The following ATRN variants were observed in gnomAD, a reference collection of about 807,000 sequenced individuals.
The protein encoded by ATRN is attractin-2.
In ATRN, 54 loss-of-function variants were observed where a neutral mutation model predicts 178.7. The observed-to-expected ratio is 0.30, with a 90% CI of 0.24 to 0.38. The LOEUF (loss-of-function observed/expected upper bound fraction) is 0.38. ATRN is among the 10% of genes least tolerant of loss of function. The pLI, the probability that ATRN is intolerant of heterozygous loss-of-function variation, is 1.00. For missense variants in ATRN, 1,443 were observed against 1,815.1 expected, an observed-to-expected ratio of 0.79 and a Z score of 3.73; for synonymous variants, 636 against 663.0, an observed-to-expected ratio of 0.96 and a Z score of 0.63.
At chr20:3,563,070 C>A in intron 9 of ATRN, 139 bp from the exon 10 acceptor site, 1 of 726,414 alleles carries the variant, frequency 1.4e-6, no homozygotes, top group Non-Finnish European at 2.1e-6. Context: ...GAAAAACTTA[C>A]TTTTATGTAG....
chr20:3,479,758 T>C (rs1432201274), intron 1 of ATRN, among the ~76,000 whole-genome samples: 1 of 152,206 alleles, frequency 6.6e-6, no homozygotes, highest in African/African-American at 2.4e-5. Context: ...TGCCTTTCTC[T>C]TCGCTTCTGG....
At chr20:3,522,936 A>T (rs576955839) in intron 1 of ATRN, among the ~76,000 whole-genome samples, 1 of 152,326 alleles carries the variant, frequency 6.6e-6, no homozygotes, top group South Asian at 2.1e-4. Flanking sequence ...CCAAAGGTAG[A>T]TAAATCCACG....
chr20:3,565,248 A>G, intron 10 of ATRN, 100 bp from the exon 11 acceptor site: 1 of 854,422 alleles, frequency 1.2e-6, no homozygotes, highest in South Asian at 1.7e-5. Context: ...GGCATGTTTT[A>G]TGAGGTTCTC....
chr20:3,651,073 C>G lies in ATRN; in HGVS notation c.*4226C>G, dbSNP rs964306679. 4 of 152,548 alleles carry G rather than the reference C, an allele frequency of 2.6e-5. No individual in the cohort carries two copies. The highest frequency in any genetic ancestry group is 9.7e-5 in the African/African-American group (4 of 41,424). 9.4% of individuals were successfully genotyped at this position (152,548 alleles called of 1,614,324 possible). On this transcript the variant is annotated 3_prime_UTR_variant, in exon 29 of 29. Coordinates refer to ENST00000262919, the MANE Select transcript of ATRN (RefSeq NM_139321.3). The stretch of plus-strand genomic sequence containing the variant: ...ACTTGTATATAAACAAAAGTAAATA[C>G]TATAATACAAACTTCCTTCTGAAAT...
chr20:3,566,625 C>T (rs2086039607), intron 11 of ATRN, among the ~76,000 whole-genome samples: 2 of 151,944 alleles, frequency 1.3e-5, no homozygotes, highest in Admixed American at 6.5e-5. Flanking sequence ...GATGAGAGGC[C>T]GGGCACGGTG....
Position 3,638,687 on chromosome 20 carries a change from C to A in ATRN, c.3943-141C>A. The A allele has an allele frequency of 1.5e-6, 1 of 663,552 alleles. No homozygotes were observed. Among genetic ancestry groups the A allele is most frequent in the Non-Finnish European group, 2.5e-6 (1 of 393,778 alleles). The allele number at this position is 663,552 out of a possible 1,614,324, so 41.1% of individuals were successfully genotyped here. A position where few individuals can be genotyped will look rare whatever the true frequency, so the allele number is the denominator to read the frequency against. On this transcript the variant is annotated intron_variant, in intron 26 of 28. Transcript: ENST00000262919. The surrounding 1 kb of genome is among the most constrained non-coding windows in gnomAD (Gnocchi z 4.5). ...AAAATTTAGTAATCCCTAATGTTAT[C>A]TAATATCAAGTCTAAAAAGTATCAT... is the stretch of plus-strand genomic sequence containing the variant.
rs779571099 is a variant in ATRN at position 3,591,292 on chromosome 20, G to A, written c.3308G>A (p.Gly1103Glu). 3.1e-6 allele frequency: 5 copies of A among 1,613,854 alleles called. No individual in the cohort carries two copies. Among genetic ancestry groups the A allele is most frequent in the Non-Finnish European group, 8.5e-7 (1 of 1,179,836 alleles). ...ISGFYGDPTN[G>E]GKCQPCKCNG... ...GGCTTCTACGGTGATCCCACCAATG[G>A]AGGGAAATGTCAGCGTAAGTCAAAT... Residue 1103 changes from glycine to glutamate, a missense_variant, in exon 19 of 29, where the codon GGA becomes GAA. Around this residue, in one of 4 missense-constraint regions of ATRN, gnomAD observed 289 missense variants for 440.8 expected, o/e 0.66. Coordinates refer to ENST00000262919, the MANE Select transcript of ATRN (RefSeq NM_139321.3).
At chr20:3,596,759 G>C (rs1955459741) in intron 21 of ATRN, among the ~76,000 whole-genome samples, 1 of 152,070 alleles carries the variant, frequency 6.6e-6, no homozygotes, top group South Asian at 2.1e-4. Context: ...CATATTTCGT[G>C]TTTTAGGATG....
intron 1 of ATRN, among the ~76,000 whole-genome samples, chr20:3,507,023 A>G (rs1307280280): frequency 1.3e-5 from 2 of 152,034 alleles, no homozygotes; most frequent in Non-Finnish European, 2.9e-5. Flanking sequence ...GTTGGTGCAA[A>G]AGTAAATGCG....
intron 1 of ATRN, among the ~76,000 whole-genome samples, chr20:3,512,613 G>A (rs2085150845): frequency 6.6e-6 from 1 of 152,058 alleles, no homozygotes; most frequent in African/African-American, 2.4e-5. Flanking sequence ...ATTCCTTTGG[G>A]TATATACCCA....
intron 24 of ATRN, among the ~76,000 whole-genome samples, chr20:3,612,913 G>A (rs1168115029): frequency 6.6e-6 from 1 of 152,186 alleles, no homozygotes; most frequent in Admixed American, 6.5e-5. Flanking sequence ...TTGTGCTGGA[G>A]ATGGCCATAC....
Position 3,596,408 on chromosome 20 carries a change from C to G in ATRN, c.3448C>G (p.Pro1150Ala). 6.2e-7 allele frequency: 1 copy of G among 1,613,568 alleles called. No individual in the cohort carries two copies. Among genetic ancestry groups the G allele is most frequent in the African/African-American group, 1.3e-5 (1 of 74,980 alleles). The change falls in exon 21 of 29, where the codon CCT becomes GCT. Residue 1150 changes from proline (P) to alanine (A), a missense_variant. Around this residue, in one of 4 missense-constraint regions of ATRN, gnomAD observed 289 missense variants for 440.8 expected, o/e 0.66. Transcript: ENST00000262919. ...GGTAGAAAATCGATACCAAGGAAAC[C>G]CTCTCAGAGGAACATGTTATTGTAA... Reference protein sequence around the residue: ...CEVENRYQGNPLRGTCYYTLL... With the variant: ...CEVENRYQGNALRGTCYYTLL...
At chr20:3,472,784 A>G (rs1392298274) in intron 1 of ATRN, among the ~76,000 whole-genome samples, 3 of 152,196 alleles carry the variant, frequency 2.0e-5, no homozygotes, top group Admixed American at 1.3e-4. Context: ...TTGAGCATGT[A>G]AGGTTAAGTA....
At chr20:3,523,515 T>C (rs1424873532) in intron 1 of ATRN, among the ~76,000 whole-genome samples, 1 of 152,110 alleles carries the variant, frequency 6.6e-6, no homozygotes, top group African/African-American at 2.4e-5. Flanking sequence ...CCAGGAGAAC[T>C]TCCCCAACCT....
At chr20:3,553,700 A>C (rs1006322721) in intron 6 of ATRN, among the ~76,000 whole-genome samples, 2 of 152,140 alleles carry the variant, frequency 1.3e-5, no homozygotes, top group African/African-American at 2.4e-5. Flanking sequence ...TACGGTGTAC[A>C]TCATTACCTT....
intron 1 of ATRN, among the ~76,000 whole-genome samples, chr20:3,534,973 A>G (rs2085504036): frequency 6.6e-6 from 1 of 152,126 alleles, no homozygotes; most frequent in South Asian, 2.1e-4. Flanking sequence ...TAAAATTAAG[A>G]TAAGATTTAG....
chr20:3,474,503 C>G (rs994144295), intron 1 of ATRN, among the ~76,000 whole-genome samples: 1 of 148,294 alleles, frequency 6.7e-6, no homozygotes, highest in Admixed American at 6.7e-5. Flanking sequence ...GTCAGGAGAT[C>G]GAGACCATCC....
rs2084532828 is a variant in ATRN, at chr20:3,476,488, C to T, written c.410+4971C>T. 2.0e-5 allele frequency among the ~76,000 whole-genome samples: 3 copies of T among 152,226 alleles called. No homozygotes were observed. The South Asian group carries it at 6.2e-4, about 31-fold the overall frequency. ...TAGATTTTTACAATAGGAAAGCTAA[C>T]ATTTTAAAAATCTTAAATTCACTTC... On this transcript the variant is annotated intron_variant, in intron 1 of 28. Transcript: ENST00000262919.
chr20:3,555,948 C>T (rs1388697395), intron 6 of ATRN, among the ~76,000 whole-genome samples: 1 of 152,188 alleles, frequency 6.6e-6, no homozygotes, highest in African/African-American at 2.4e-5. Flanking sequence ...TTCCTTCCAA[C>T]TGCTTCGTGC....
Sources: gnomAD v4.1 joint callset for allele counts (sites outside exome capture counted in the v4.1 genomes callset) on GRCh38, gnomAD v4.1.1 for gene constraint, gnomAD v4.1.1 regional missense constraint, Gnocchi (gnomAD v3.1) non-coding constraint, MANE v1.5 for transcripts, NCBI Gene and HGNC (gene_info 2026-07-23, HGNC 2026-07-21) for gene names.